Variants in DYNC1LI1 observed in about 807,000 individuals in gnomAD.
DYNC1LI1 encodes the protein dynein cytoplasmic 1 light intermediate chain 1, also known as cytoplasmic dynein 1 light intermediate chain 1.
DYNC1LI1 carries 19 observed loss-of-function variants against 63.8 expected under a neutral mutation model. That is an observed-to-expected ratio of 0.30 (90% CI 0.21 to 0.44). The LOEUF is 0.44. DYNC1LI1 is among the 20% of genes least tolerant of loss of function. The pLI, the probability that DYNC1LI1 is intolerant of heterozygous loss-of-function variation, is 1.00. For missense variants in DYNC1LI1, 565 were observed against 630.2 expected (o/e 0.90, Z 1.11); for synonymous variants, 225 against 232.3 (o/e 0.97, Z 0.28).
chr3:32,552,323 T>C (rs2125441176), intron 2 of DYNC1LI1, among the ~76,000 whole-genome samples: 1 of 152,248 alleles, frequency 6.6e-6, no homozygotes, highest in Non-Finnish European at 1.5e-5. Flanking sequence ...CTGTTATCTT[T>C]CTTCATTCAT....
chr3:32,526,883 A>T lies in DYNC1LI1; in HGVS notation c.1488T>A (p.His496Gln). 1 of 1,613,972 alleles carries T rather than the reference A, an allele frequency of 6.2e-7. No homozygotes were observed. The highest frequency in any genetic ancestry group is 1.1e-5 in the South Asian group (1 of 91,078). The change falls in exon 13 of 13, where the codon CAT becomes CAA. Residue 496 changes from histidine to glutamine, a missense_variant. His to Gln is a conservative substitution (Grantham distance 24). Transcript: ENST00000273130. ...KSGQKPVLDV[H>Q]AELDRITRKP... Reference sequence around the variant, plus strand: ...TTCGTGTAATTCTGTCTAGTTCTGCATGAACATCTAAGACAGGCTTCTGGC... The same window carrying T: ...TTCGTGTAATTCTGTCTAGTTCTGCTTGAACATCTAAGACAGGCTTCTGGC...
intron 12 of DYNC1LI1, among the ~76,000 whole-genome samples, chr3:32,527,151 G>A (rs1444240088): frequency 2.6e-5 from 4 of 152,104 alleles, no homozygotes; most frequent in East Asian, 1.9e-4. Flanking sequence ...AGACCAGCCC[G>A]GCCAACATGG....
intron 2 of DYNC1LI1, among the ~76,000 whole-genome samples, chr3:32,562,702 G>C (rs143265726): frequency 1.1e-4 from 17 of 152,200 alleles, no homozygotes; most frequent in Non-Finnish European, 1.8e-4. Flanking sequence ...ATTTAAAATA[G>C]TGATTTCCAA....
At chr3:32,570,528 C>G (rs1315565428) in intron 1 of DYNC1LI1, 97 bp downstream of exon 1, 1 of 1,488,944 alleles carries the variant, frequency 6.7e-7, no homozygotes. Flanking sequence ...ACGCAGTGGC[C>G]GGGCCCGGCG....
At chr3:32,528,876 T>G (rs1697658100) in intron 11 of DYNC1LI1, among the ~76,000 whole-genome samples, 1 of 152,172 alleles carries the variant, frequency 6.6e-6, no homozygotes, top group African/African-American at 2.4e-5. Flanking sequence ...ATATCTCCCT[T>G]TTGAAAAGGA....
intron 2 of DYNC1LI1, among the ~76,000 whole-genome samples, chr3:32,564,465 GT>G (rs1190809999): frequency 6.6e-6 from 1 of 152,214 alleles, no homozygotes; most frequent in Non-Finnish European, 1.5e-5. Flanking sequence ...ATCCATGGCT[GT>G]TTTGGAACTA....
rs530779895 is a variant in DYNC1LI1 at position 32,552,862 on chromosome 3, C to T, written c.221-6897G>A. ...CTGGGACTACAGGCACACGCCACCA[C>T]GCCCAGCTAATTTTTTTATTTTTAG... On this transcript the variant is annotated intron_variant, in intron 2 of 12. Coordinates refer to ENST00000273130, the MANE Select transcript of DYNC1LI1 (RefSeq NM_016141.4). 3.3e-5 allele frequency among the ~76,000 whole-genome samples: 5 copies of T among 152,286 alleles called. No homozygotes were observed. In the South Asian group the frequency reaches 8.3e-4, roughly 25 times the overall value.
At chr3:32,539,671 G>C (rs1211711761) in intron 5 of DYNC1LI1, among the ~76,000 whole-genome samples, 2 of 151,422 alleles carry the variant, frequency 1.3e-5, no homozygotes, top group Non-Finnish European at 2.9e-5. Flanking sequence ...GAGTAGCTGG[G>C]ACTACAGGCG....
intron 2 of DYNC1LI1, among the ~76,000 whole-genome samples, chr3:32,567,111 G>C (rs916744820): frequency 1.3e-5 from 2 of 152,216 alleles, no homozygotes; most frequent in Non-Finnish European, 2.9e-5. Context: ...CAGGCTTTGA[G>C]TAGAAAGAGT....
intron 4 of DYNC1LI1, among the ~76,000 whole-genome samples, chr3:32,543,125 T>G (rs370052123): frequency 3.3e-5 from 5 of 152,292 alleles, no homozygotes; most frequent in Middle Eastern, 3.4e-3. Context: ...ATACTGATAC[T>G]GGTGCTGCTG....
chr3:32,555,862 T>C (rs905613400), intron 2 of DYNC1LI1, among the ~76,000 whole-genome samples: 1 of 152,244 alleles, frequency 6.6e-6, no homozygotes, highest in African/African-American at 2.4e-5. Flanking sequence ...TGTAATTAAA[T>C]GTTAATGGTA....
intron 2 of DYNC1LI1, among the ~76,000 whole-genome samples, chr3:32,566,939 A>T (rs1225427519): frequency 6.6e-6 from 1 of 152,242 alleles, no homozygotes; most frequent in Non-Finnish European, 1.5e-5. Flanking sequence ...CTTTCAAGAA[A>T]GAAGAGTTAA....
chr3:32,537,961 A>AATTT (rs1697807338), intron 5 of DYNC1LI1, among the ~76,000 whole-genome samples: 3 of 7,524 alleles, frequency 4.0e-4, no homozygotes, highest in Admixed American at 2.9e-3. Context: ...TTATATATAT[A>AATTT]ATATATATAT....
At chr3:32,550,825 C>G (rs1220899742) in intron 2 of DYNC1LI1, among the ~76,000 whole-genome samples, 1 of 152,092 alleles carries the variant, frequency 6.6e-6, no homozygotes, top group Non-Finnish European at 1.5e-5. Flanking sequence ...GGTACAGAAG[C>G]CACATTGAAA....
At chr3:32,536,864 TG>T (rs1325057732) in intron 6 of DYNC1LI1, 146 bp downstream of exon 6, 1 of 556,984 alleles carries the variant, frequency 1.8e-6, no homozygotes, top group African/African-American at 2.0e-5. Flanking sequence ...GTAAATAATT[TG>T]GGAACTAAAA....
chr3:32,550,752 A>G (rs1311824953), intron 2 of DYNC1LI1, among the ~76,000 whole-genome samples: 1 of 152,202 alleles, frequency 6.6e-6, no homozygotes, highest in Non-Finnish European at 1.5e-5. Context: ...CTAATCCAGT[A>G]AATATTGAGT....
intron 2 of DYNC1LI1, among the ~76,000 whole-genome samples, chr3:32,567,564 G>A (rs537156586): frequency 6.6e-6 from 1 of 151,404 alleles, no homozygotes; most frequent in African/African-American, 2.4e-5. Flanking sequence ...TTTGAGACAG[G>A]GTCTCACTCT....
intron 2 of DYNC1LI1, 69 bp from the exon 3 acceptor site, chr3:32,546,034 C>T (rs936258498): frequency 1.8e-6 from 2 of 1,129,304 alleles, no homozygotes; most frequent in African/African-American, 1.6e-5. Context: ...CTTTCTAGTA[C>T]CAAGTGAAAA....
At chr3:32,533,488 AC>A (rs1172329693) in intron 7 of DYNC1LI1, among the ~76,000 whole-genome samples, 1 of 151,808 alleles carries the variant, frequency 6.6e-6, no homozygotes, top group African/African-American at 2.4e-5. Flanking sequence ...AAAAAAGATT[AC>A]CAATATTAAA....
Sources: allele counts gnomAD v4.1 joint callset (sites outside exome capture counted in the v4.1 genomes callset), GRCh38; gene constraint gnomAD v4.1.1; transcripts MANE v1.5; gene names NCBI Gene and HGNC (gene_info 2026-07-23, HGNC 2026-07-21).